Variants in TBCK observed in about 807,000 individuals in gnomAD.
TBCK encodes the protein TBC1 domain containing kinase, also known as TBC domain-containing protein kinase-like protein.
Under a neutral mutation model 113.4 loss-of-function variants are expected in TBCK, and 99 were observed. The ratio of observed to expected loss-of-function variants is 0.87; its 90% CI spans 0.74 to 1.03. The LOEUF (loss-of-function observed/expected upper bound fraction) is 1.03, where lower values mean the gene tolerates loss of function less well. Ranked by LOEUF, TBCK falls within the 50% of genes least tolerant of loss-of-function variation. TBCK has a pLI of 0.00. For missense variants in TBCK, 1,045 were observed against 1,061.3 expected (o/e 0.98, Z 0.21); for synonymous variants, 369 against 370.8 (o/e 1.00, Z 0.05).
In TBCK at chr4:106,095,514, T is replaced by G; in HGVS notation, c.2539A>C (p.Ile847Leu). 1 of 1,614,024 alleles carries G rather than the reference T, an allele frequency of 6.2e-7. No homozygotes were observed. Among genetic ancestry groups the G allele is most frequent in the Non-Finnish European group, 8.5e-7 (1 of 1,179,960 alleles). Residue 847 changes from isoleucine (I) to leucine (L), a missense_variant, in exon 25 of 26, where the codon ATC becomes CTC. Physicochemically the swap from Ile to Leu is conservative, Grantham distance 5. Coordinates refer to ENST00000394708, the MANE Select transcript of TBCK (RefSeq NM_001163435.3). ...GTGTGTTTTGCCACATGCCCCACGA[T>G]GACAATGACCTTCCCTTTGAAGTTC... ...LQNFKGKVIV[I>L]VGHVAKHTAE...
intron 25 of TBCK, among the ~76,000 whole-genome samples, chr4:106,062,527 G>C (rs893768837): frequency 6.6e-6 from 1 of 151,882 alleles, no homozygotes; most frequent in Non-Finnish European, 1.5e-5. Flanking sequence ...GCTATGCCCT[G>C]AAAAGAATGT....
In TBCK at chr4:106,229,588, T is replaced by A. The variant is rs540136326; in HGVS notation, c.1774+775A>T. Among the ~76,000 whole-genome samples, 6 of 152,152 alleles carry A rather than the reference T, an allele frequency of 3.9e-5. No individual in the cohort carries two copies. The South Asian group carries it at 1.0e-3, about 26-fold the overall frequency. On this transcript the variant is annotated intron_variant, in intron 19 of 25. Coordinates refer to ENST00000394708, the MANE Select transcript of TBCK (RefSeq NM_001163435.3). ...TTTGCTTCTGGGTTCTCTATTCTGT[T>A]CTATTGGTCTATGTGTCTGTTTTTA...
chr4:106,080,573 A>G (rs550488618), intron 25 of TBCK, among the ~76,000 whole-genome samples: 7 of 152,342 alleles, frequency 4.6e-5, no homozygotes, highest in Admixed American at 1.3e-4. Flanking sequence ...AAAACCCTAG[A>G]AGAAAACCTT....
intron 25 of TBCK, among the ~76,000 whole-genome samples, chr4:106,073,593 T>G (rs1446524121): frequency 6.6e-6 from 1 of 152,138 alleles, no homozygotes; most frequent in East Asian, 1.9e-4. Flanking sequence ...TTGAGGCAGT[T>G]TTTCCATTCT....
chr4:106,147,061 A>C (rs1052300254), intron 23 of TBCK, among the ~76,000 whole-genome samples: 1 of 152,230 alleles, frequency 6.6e-6, no homozygotes, highest in African/African-American at 2.4e-5. Context: ...ATGAGATTAC[A>C]GCTACTCAGT....
intron 23 of TBCK, among the ~76,000 whole-genome samples, chr4:106,127,493 C>T (rs1304651794): frequency 1.3e-5 from 2 of 151,898 alleles, no homozygotes; most frequent in African/African-American, 4.8e-5. Context: ...ATTATGAGAA[C>T]ATATATAAGC....
chr4:106,143,913 TA>T lies in TBCK; in HGVS notation c.2235+27181del, dbSNP rs561608123. ...CGGGCAACAAGAGCGAAACTCTGTC[TA>T]AAAAAAAAAAAAAAAAGTAAAGGCA... is the stretch of plus-strand genomic sequence containing the variant. On this transcript the variant is annotated intron_variant, in intron 23 of 25. Coordinates refer to ENST00000394708, the MANE Select transcript of TBCK (RefSeq NM_001163435.3). Among the ~76,000 whole-genome samples, 221 of 114,472 alleles carry T rather than the reference TA, an allele frequency of 1.9e-3. 1 individual carries two copies. Among genetic ancestry groups the T allele is most frequent in the East Asian group, 2.4e-3 (10 of 4,112 alleles). 75.1% of individuals were successfully genotyped at this position (114,472 alleles called of 152,430 possible).
At chr4:106,056,068 T>C (rs779068225) in intron 25 of TBCK, among the ~76,000 whole-genome samples, 42 of 151,094 alleles carry the variant, frequency 2.8e-4, no homozygotes, top group Non-Finnish European at 5.8e-4. Context: ...GAAGTCTTCT[T>C]TGAATTCTAG....
At chr4:106,070,492 G>A (rs913963161) in intron 25 of TBCK, among the ~76,000 whole-genome samples, 50 of 152,182 alleles carry the variant, frequency 3.3e-4, no homozygotes, top group African/African-American at 8.9e-4. Context: ...GGATGAAGCC[G>A]ACTTGATCTT....
rs35695611 is a variant in TBCK at position 106,197,411 on chromosome 4, G to GTGTATATATATATA, written c.1861-2658_1861-2657insTATATATATATACA. Among the ~76,000 whole-genome samples, 1,082 of 122,384 alleles carry GTGTATATATATATA rather than the reference G, an allele frequency of 8.8e-3. 5 individuals carry two copies. The highest frequency in any genetic ancestry group is 0.014 in the Non-Finnish European group (814 of 59,592). The allele number at this position is 122,384 out of a possible 152,430, so 80.3% of individuals were successfully genotyped here. A position where few individuals can be genotyped will look rare whatever the true frequency, so the allele number is the denominator to read the frequency against. On this transcript the variant is annotated intron_variant, in intron 20 of 25. Coordinates refer to ENST00000394708, the MANE Select transcript of TBCK (RefSeq NM_001163435.3). ...AGTGTGTGTGTGTGTGTGTGTGTGT[G>GTGTATATATATATA]TATATATATATATATATATATAATA...
chr4:106,225,936 C>T (rs552569543), intron 19 of TBCK, among the ~76,000 whole-genome samples: 36 of 152,112 alleles, frequency 2.4e-4, no homozygotes, highest in African/African-American at 7.7e-4. Flanking sequence ...GAGAGGTGAG[C>T]GAATGGCTTG....
intron 10 of TBCK, among the ~76,000 whole-genome samples, chr4:106,245,809 C>T (rs1403268197): frequency 6.6e-6 from 1 of 152,218 alleles, no homozygotes; most frequent in South Asian, 2.1e-4. Flanking sequence ...AGTGGTGAAC[C>T]TATGCTGCAG....
At chr4:106,154,886 A>G (rs1748944858) in intron 23 of TBCK, among the ~76,000 whole-genome samples, 1 of 152,074 alleles carries the variant, frequency 6.6e-6, no homozygotes, top group South Asian at 2.1e-4. Flanking sequence ...TTAGTATAAG[A>G]GTAGTTTACA....
At chr4:106,265,187 T>C (rs1466383046) in intron 3 of TBCK, among the ~76,000 whole-genome samples, 3 of 151,968 alleles carry the variant, frequency 2.0e-5, no homozygotes, top group Non-Finnish European at 4.4e-5. Flanking sequence ...GTTTTCTCTC[T>C]CTTTTTCTCT....
At chr4:106,295,435 G>A (rs751106992) in intron 2 of TBCK, among the ~76,000 whole-genome samples, 1 of 151,570 alleles carries the variant, frequency 6.6e-6, no homozygotes, top group Non-Finnish European at 1.5e-5. Context: ...ACTGTCCTTG[G>A]GGAAAAAAAT....
At chr4:106,191,181 G>C (rs1250154760) in intron 22 of TBCK, among the ~76,000 whole-genome samples, 1 of 152,196 alleles carries the variant, frequency 6.6e-6, no homozygotes, top group East Asian at 1.9e-4. Context: ...TTAGGCATTA[G>C]AAGTTATCGC....
intron 12 of TBCK, among the ~76,000 whole-genome samples, chr4:106,239,384 G>A (rs1398598778): frequency 6.6e-6 from 1 of 151,976 alleles, no homozygotes; most frequent in Non-Finnish European, 1.5e-5. Flanking sequence ...GATATTAATA[G>A]GGCTTCTACA....
At chr4:106,138,623 A>G (rs909710482) in intron 23 of TBCK, among the ~76,000 whole-genome samples, 1 of 141,570 alleles carries the variant, frequency 7.1e-6, no homozygotes, top group Non-Finnish European at 1.6e-5. Flanking sequence ...TCACTGACTT[A>G]TAAGGCAAAA....
chr4:106,308,730 T>C (rs1172390785), intron 2 of TBCK, 38 bp downstream of exon 2: 5 of 1,559,776 alleles, frequency 3.2e-6, no homozygotes, highest in African/African-American at 2.7e-5. Context: ...GGTAACAAAG[T>C]AGAGAACATA....
Sources: gnomAD v4.1 joint callset for allele counts (sites outside exome capture counted in the v4.1 genomes callset) on GRCh38, gnomAD v4.1.1 for gene constraint, MANE v1.5 for transcripts, NCBI Gene and HGNC (gene_info 2026-07-23, HGNC 2026-07-21) for gene names.